L3MBTL4: variants seen among roughly 807,000 people sequenced by gnomAD.
L3MBTL4 encodes the protein lethal(3)malignant brain tumor-like protein 4.
In L3MBTL4, 70 loss-of-function variants were observed where a neutral mutation model predicts 84.5. The observed-to-expected ratio is 0.83, with a 90% confidence interval of 0.68 to 1.01. The LOEUF is 1.01. Ranked by LOEUF, L3MBTL4 falls within the 50% of genes least tolerant of loss-of-function variation. The probability of loss-of-function intolerance (pLI) is 0.00; values close to 1 mark genes in which losing one functional copy is unlikely to be tolerated. For synonymous variants in L3MBTL4, 274 were observed against 259.8 expected (o/e 1.05, Z -0.52); for missense variants, 715 against 754.8 (o/e 0.95, Z 0.62).
Position 6,262,673 on chromosome 18 carries a change from A to T in L3MBTL4, c.219+1274T>A, listed in dbSNP as rs1192102212. ...TGTGCTCTCCAAAGCTCACAAAAGT[A>T]GATGGTGCAAAGGCTGGGTTAAGAA... On this transcript the variant is annotated intron_variant, in intron 5 of 18. Transcript: ENST00000317931. Among the ~76,000 whole-genome samples the T allele has an allele frequency of 3.3e-5, 5 of 152,200 alleles. No homozygotes were observed. In the East Asian group the frequency reaches 9.6e-4, roughly 29 times the overall value.
intron 12 of L3MBTL4, among the ~76,000 whole-genome samples, chr18:6,203,229 AAT>A (rs2045722051): frequency 6.6e-6 from 1 of 150,606 alleles, no homozygotes; most frequent in Admixed American, 6.6e-5. Flanking sequence ...AATGTATGAT[AAT>A]AATTACTACC....
chr18:6,409,746 C>G (rs1196513983), intron 1 of L3MBTL4, among the ~76,000 whole-genome samples: 1 of 152,154 alleles, frequency 6.6e-6, no homozygotes, highest in Non-Finnish European at 1.5e-5. Flanking sequence ...TGCTGAGTGC[C>G]TGACACACAC....
At chr18:6,374,568 C>A (rs2054289203) in intron 1 of L3MBTL4, 1 of 154,700 alleles carries the variant, frequency 6.5e-6, no homozygotes, top group African/African-American at 2.4e-5. Flanking sequence ...AAGCAAATGA[C>A]CTCTTCCATG....
intron 16 of L3MBTL4, among the ~76,000 whole-genome samples, chr18:6,000,969 G>A (rs945626558): frequency 6.6e-6 from 1 of 152,196 alleles, no homozygotes; most frequent in Non-Finnish European, 1.5e-5. Context: ...AGCTTCCGGA[G>A]GTCAGCTTAG....
intron 1 of L3MBTL4, among the ~76,000 whole-genome samples, chr18:6,406,649 T>C (rs9947555): frequency 0.29 from 44,692 of 151,866 alleles, 6,758 homozygotes; most frequent in East Asian, 0.42. Context: ...GCTACAGACA[T>C]CTCGTGAGGT....
intron 12 of L3MBTL4, among the ~76,000 whole-genome samples, chr18:6,187,767 A>G (rs1382474403): frequency 6.6e-6 from 1 of 151,878 alleles, no homozygotes; most frequent in Non-Finnish European, 1.5e-5. Flanking sequence ...TGCAATTAAC[A>G]TGTTTGTTCA....
At chr18:6,124,144 G>T (rs2059613305) in intron 14 of L3MBTL4, among the ~76,000 whole-genome samples, 1 of 152,146 alleles carries the variant, frequency 6.6e-6, no homozygotes, top group Non-Finnish European at 1.5e-5. Context: ...TCATTCAAGT[G>T]ATTTTCCTAG....
Position 6,239,776 on chromosome 18 carries a change from T to C in L3MBTL4, c.649A>G (p.Ile217Val), listed in dbSNP as rs200397488. 277 of 1,614,064 alleles carry C rather than the reference T, an allele frequency of 1.7e-4. 1 individual carries two copies. Among genetic ancestry groups the C allele is most frequent in the Non-Finnish European group, 2.1e-5 (25 of 1,180,026 alleles). Residue 217 changes from isoleucine (I) to valine (V), a missense_variant, in exon 9 of 19, where the codon ATT becomes GTT. Transcript: ENST00000317931. ...TGCACTAGTAAGCGATCTTCAACAA[T>C]ATCTGCTATGGTCGCCACACACACC... ...SLVCVATIAD[I>V]VEDRLLVHFD...
At chr18:6,393,661 CCCAGTGGCTCTCCTTTCAAA>C (rs1254056258) in intron 1 of L3MBTL4, among the ~76,000 whole-genome samples, 1 of 152,142 alleles carries the variant, frequency 6.6e-6, no homozygotes, top group Admixed American at 6.5e-5. Context: ...ATCAGGGAAT[CCCAGTGGCTCTCCTTTCAAA>C]ATAAATATAG....
intron 16 of L3MBTL4, among the ~76,000 whole-genome samples, chr18:5,979,971 G>A (rs1378666989): frequency 2.0e-5 from 3 of 152,162 alleles, no homozygotes; most frequent in South Asian, 2.1e-4. Flanking sequence ...AAAGGCACAC[G>A]TCGCCTCCAG....
intron 1 of L3MBTL4, among the ~76,000 whole-genome samples, chr18:6,335,814 T>C (rs1252112666): frequency 6.6e-6 from 1 of 152,226 alleles, no homozygotes; most frequent in Non-Finnish European, 1.5e-5. Flanking sequence ...CTGCTTCTCC[T>C]TCCACAAGGA....
intron 12 of L3MBTL4, among the ~76,000 whole-genome samples, chr18:6,203,513 C>T (rs2045737756): frequency 6.6e-6 from 1 of 152,136 alleles, no homozygotes. Context: ...GTTGGGAGAG[C>T]CTGATGTCTG....
chr18:6,371,214 C>T lies in L3MBTL4; in HGVS notation c.-91+43587G>A, dbSNP rs534431167. 7.9e-5 allele frequency among the ~76,000 whole-genome samples: 12 copies of T among 152,308 alleles called. No homozygotes were observed. In the East Asian group the frequency reaches 1.9e-3, roughly 25 times the overall value. On this transcript the variant is annotated intron_variant, in intron 1 of 18. Transcript: ENST00000317931. ...GTAAAAATACTGACAAAACTGGCGG[C>T]GGGCCAGATGTGGCCACTAGGCTAT...
At chr18:6,228,512 T>G (rs1358276479) in intron 10 of L3MBTL4, among the ~76,000 whole-genome samples, 1 of 152,024 alleles carries the variant, frequency 6.6e-6, no homozygotes, top group Admixed American at 6.6e-5. Context: ...ATAAACTGTC[T>G]CCAGAATATA....
rs1038941501 is a variant in L3MBTL4 at position 5,956,003 on chromosome 18, C to T, written c.*217G>A. ...GGATCCCACCAAAGATAACAATGTTCGTAAACCAAACCCACAGATGGGCCT... is the reference window on the plus strand; with the variant it reads ...GGATCCCACCAAAGATAACAATGTTTGTAAACCAAACCCACAGATGGGCCT... On this transcript the variant is annotated 3_prime_UTR_variant, in exon 19 of 19. Transcript: ENST00000317931. The T allele has an allele frequency of 5.6e-5, 27 of 485,692 alleles. No homozygotes were observed. The highest frequency in any genetic ancestry group is 8.0e-5 in the Non-Finnish European group (22 of 276,016). 30.1% of individuals were successfully genotyped at this position (485,692 alleles called of 1,614,324 possible).
intron 13 of L3MBTL4, among the ~76,000 whole-genome samples, chr18:6,149,831 G>T (rs1335062091): frequency 6.6e-6 from 1 of 152,166 alleles, no homozygotes; most frequent in Non-Finnish European, 1.5e-5. Context: ...AAGTGAAAAT[G>T]CTGCAAAACC....
chr18:6,045,729 C>T (rs2056589772), intron 16 of L3MBTL4, among the ~76,000 whole-genome samples: 1 of 152,108 alleles, frequency 6.6e-6, no homozygotes, highest in Non-Finnish European at 1.5e-5. Context: ...AGCCAAACTA[C>T]ATCAGAAGCC....
At chr18:6,185,661 C>G (rs563609425) in intron 12 of L3MBTL4, among the ~76,000 whole-genome samples, 2 of 152,144 alleles carry the variant, frequency 1.3e-5, no homozygotes, top group African/African-American at 4.8e-5. Flanking sequence ...CTGCAGGACC[C>G]TGACTGATAC....
chr18:6,090,649 A>T (rs1330923979), intron 15 of L3MBTL4, among the ~76,000 whole-genome samples: 1 of 148,958 alleles, frequency 6.7e-6, no homozygotes, highest in Non-Finnish European at 1.5e-5. Flanking sequence ...TTTTTTTGAG[A>T]CAGGGTCTCA....
Sources: gnomAD v4.1 joint callset for allele counts (sites outside exome capture counted in the v4.1 genomes callset) on GRCh38, gnomAD v4.1.1 for gene constraint, MANE v1.5 for transcripts, NCBI Gene and HGNC (gene_info 2026-07-23, HGNC 2026-07-21) for gene names.